The following NIPAL3 variants were observed in gnomAD, a reference collection of about 807,000 sequenced individuals.
NIPAL3 encodes NIPA like domain containing 3.
In NIPAL3, 41 loss-of-function variants were observed where a neutral mutation model predicts 47.2. The ratio of observed to expected loss-of-function variants is 0.87; its 90% confidence interval spans 0.68 to 1.13. NIPAL3 has a LOEUF of 1.13. NIPAL3 is among the 50% of genes most tolerant of loss of function. NIPAL3 has a pLI of 0.00. For synonymous variants in NIPAL3, 194 were observed against 209.6 expected, an observed-to-expected ratio of 0.93 and a Z score of 0.64; for missense variants, 449 against 530.1, an observed-to-expected ratio of 0.85 and a Z score of 1.50.
rs199860404 is a variant in NIPAL3, at chr1:24,458,971, C to T, written c.857C>T (p.Thr286Ile). The T allele has an allele frequency of 6.2e-7, 1 of 1,613,664 alleles. No individual in the cohort carries two copies. The highest frequency in any genetic ancestry group is 2.2e-5 in the East Asian group (1 of 44,878). The change falls in exon 9 of 12, where the codon ACA becomes ATA. Residue 286 changes from threonine to isoleucine, a missense_variant. Thr to Ile is a moderately conservative substitution (Grantham distance 89, BLOSUM62 -1). Transcript: ENST00000374399. ...GYILSTTIAI[T>I]AGAIFYLDFI... ...ATTCTGTCCACAACCATTGCTATCA[C>T]AGCAGGTAAGGGTGACCCATTGCTA...
At chr1:24,414,912 A>G (rs1044455814), upstream of NIPAL3, 1 of 152,150 alleles carries the variant, frequency 6.6e-6, no homozygotes, top group Non-Finnish European at 1.5e-5. Context: ...ATCTCTCACC[A>G]GCCCTGCTGG....
At chr1:24,424,280 G>A (rs1464880559) in intron 2 of NIPAL3, among the ~76,000 whole-genome samples, 5 of 152,150 alleles carry the variant, frequency 3.3e-5, no homozygotes, top group Non-Finnish European at 7.3e-5. Context: ...GTGACCTTGG[G>A]TGTATGGTAC....
At chr1:24,418,070 A>C (rs1644140793) in intron 1 of NIPAL3, among the ~76,000 whole-genome samples, 2 of 152,356 alleles carry the variant, frequency 1.3e-5, no homozygotes, top group South Asian at 4.1e-4. Flanking sequence ...AATTCTCATG[A>C]CTGCCATGTG....
At chr1:24,420,782 C>T (rs568256049) in intron 2 of NIPAL3, among the ~76,000 whole-genome samples, 1 of 152,234 alleles carries the variant, frequency 6.6e-6, no homozygotes, top group South Asian at 2.1e-4. Flanking sequence ...TCAACAGATC[C>T]TCATTGCTGG....
rs1646107424 is a variant in NIPAL3 at position 24,454,543 on chromosome 1, A to G, written c.637+1039A>G. On this transcript the variant is annotated intron_variant, in intron 7 of 11. Coordinates refer to ENST00000374399, the MANE Select transcript of NIPAL3 (RefSeq NM_020448.5). This position sits in a 1 kb window ranked among gnomAD's most constrained non-coding sequence, Gnocchi z 4.1. Reference sequence around the variant, plus strand: ...CTGTCACCGAAGACAGGGTTTCCTTAATTTTTTAACAGCTCTGTTGAGATA... The same window carrying G: ...CTGTCACCGAAGACAGGGTTTCCTTGATTTTTTAACAGCTCTGTTGAGATA... 1 of 989,496 alleles carries G rather than the reference A, an allele frequency of 1.0e-6. No homozygotes were observed. Among genetic ancestry groups the G allele is most frequent in the East Asian group, 1.1e-4 (1 of 8,844 alleles). 61.3% of individuals were successfully genotyped at this position (989,496 alleles called of 1,614,324 possible). A position where few individuals can be genotyped will look rare whatever the true frequency, so the allele number is the denominator to read the frequency against.
intron 2 of NIPAL3, among the ~76,000 whole-genome samples, chr1:24,432,018 ATGTT>A (rs1557496281): frequency 1.3e-5 from 2 of 152,080 alleles, no homozygotes; most frequent in Admixed American, 6.6e-5. Context: ...AGTTCAATGT[ATGTT>A]ATGTGAGGAC....
At position 24,449,651 on chromosome 1, in the gene NIPAL3, C is replaced by G; in HGVS notation, c.540+25C>G. 2 of 1,603,348 alleles carry G rather than the reference C, an allele frequency of 1.2e-6. No homozygotes were observed. Among genetic ancestry groups the G allele is most frequent in the Non-Finnish European group, 8.5e-7 (1 of 1,173,894 alleles). ...GGTAAGAGAAGCCTCCAGTCGTTCC[C>G]CCTGAGATGGCAGGAGGGAGATCAA... On this transcript the variant is annotated intron_variant, in intron 6 of 11. Coordinates refer to ENST00000374399, the MANE Select transcript of NIPAL3 (RefSeq NM_020448.5). This position sits in a 1 kb window ranked among gnomAD's most constrained non-coding sequence, Gnocchi z 4.5.
intron 2 of NIPAL3, among the ~76,000 whole-genome samples, chr1:24,432,822 G>C (rs940154971): frequency 6.6e-6 from 1 of 152,168 alleles, no homozygotes; most frequent in South Asian, 2.1e-4. Flanking sequence ...TATCATTGTC[G>C]TCATCATCTC....
Position 24,454,376 on chromosome 1 carries a change from G to A in NIPAL3, c.637+872G>A. The A allele has an allele frequency of 9.5e-7, 1 of 1,049,646 alleles. No homozygotes were observed. The highest frequency in any genetic ancestry group is 1.2e-6 in the Non-Finnish European group (1 of 868,146). The allele number at this position is 1,049,646 out of a possible 1,614,324, so 65.0% of individuals were successfully genotyped here. A position where few individuals can be genotyped will look rare whatever the true frequency, so the allele number is the denominator to read the frequency against. ...AGCCACGCTGTCCACTTCTCTAAAG[G>A]GGGGGCCTATGAGAACATCCAAGTC... On this transcript the variant is annotated intron_variant, in intron 7 of 11. Transcript: ENST00000374399. This position sits in a 1 kb window ranked among gnomAD's most constrained non-coding sequence, Gnocchi z 4.1.
At chr1:24,447,555 T>TA (rs199790179) in intron 5 of NIPAL3, among the ~76,000 whole-genome samples, 40 of 145,588 alleles carry the variant, frequency 2.7e-4, no homozygotes, top group African/African-American at 5.8e-4. Context: ...AATTTTACTC[T>TA]AAAAAAAAAA....
intron 2 of NIPAL3, among the ~76,000 whole-genome samples, chr1:24,429,717 T>A (rs1263687311): frequency 2.6e-5 from 4 of 152,202 alleles, no homozygotes; most frequent in Admixed American, 2.0e-4. Flanking sequence ...TGGAGGAAAG[T>A]CCCTAGTTAG....
At chr1:24,423,631 C>G (rs1213760433) in intron 2 of NIPAL3, among the ~76,000 whole-genome samples, 1 of 151,972 alleles carries the variant, frequency 6.6e-6, no homozygotes, top group Non-Finnish European at 1.5e-5. Flanking sequence ...CTCCGCCTCA[C>G]ACACACACAC....
chr1:24,469,101 C>A lies in NIPAL3; in HGVS notation c.1137C>A (p.Thr379=), dbSNP rs1191753189. Residue 379 remains threonine, a synonymous_variant, in exon 12 of 12, where the codon ACC becomes ACA. Transcript: ENST00000374399. Reference sequence around the variant, plus strand: ...TTTCTGAGATCTACGCTCCTGCCACCCTGCCAGTCATGCAAGAAGAGCACG... The same window carrying A: ...TTTCTGAGATCTACGCTCCTGCCACACTGCCAGTCATGCAAGAAGAGCACG... ...DNISEIYAPA[T]LPVMQEEHGS... 3 of 1,613,972 alleles carry A rather than the reference C, an allele frequency of 1.9e-6. No homozygotes were observed. The highest frequency in any genetic ancestry group is 2.5e-6 in the Non-Finnish European group (3 of 1,180,028).
chr1:24,426,832 G>A (rs1225760260), intron 2 of NIPAL3, among the ~76,000 whole-genome samples: 1 of 152,116 alleles, frequency 6.6e-6, no homozygotes, highest in Non-Finnish European at 1.5e-5. Flanking sequence ...ACCTGATTGG[G>A]TGTTGCCTCA....
chr1:24,445,544 GA>G (rs1232281303), intron 5 of NIPAL3, among the ~76,000 whole-genome samples: 1 of 152,166 alleles, frequency 6.6e-6, no homozygotes, highest in East Asian at 1.9e-4. Flanking sequence ...CTCTCTCCCT[GA>G]CTGAGTTCTA....
At chr1:24,446,059 A>G (rs1344866659) in intron 5 of NIPAL3, among the ~76,000 whole-genome samples, 2 of 105,360 alleles carry the variant, frequency 1.9e-5, no homozygotes. Flanking sequence ...CTGCTCACAG[A>G]GATTATAGTC....
chr1:24,465,913 A>ACTG, intron 11 of NIPAL3: 6 of 1,446,320 alleles, frequency 4.1e-6, no homozygotes, highest in Admixed American at 2.8e-5. Context: ...GCAGAATAAA[A>ACTG]CTGCTGAACA....
At chr1:24,456,056 T>G in intron 7 of NIPAL3, 82 bp from the exon 8 acceptor site, 1 of 1,535,284 alleles carries the variant, frequency 6.5e-7, no homozygotes, top group Non-Finnish European at 8.9e-7. Flanking sequence ...CCCAAGTCCT[T>G]TGGGGTTATA....
chr1:24,456,371 A>G, intron 8 of NIPAL3, 98 bp downstream of exon 8: 1 of 1,521,976 alleles, frequency 6.6e-7, no homozygotes, highest in Non-Finnish European at 9.0e-7. Context: ...AGGAGGCCAG[A>G]ACATGCCCCA....
Sources: allele counts gnomAD v4.1 joint callset (sites outside exome capture counted in the v4.1 genomes callset), GRCh38; gene constraint gnomAD v4.1.1; non-coding constraint Gnocchi (gnomAD v3.1); transcripts MANE v1.5; gene names NCBI Gene and HGNC (gene_info 2026-07-23, HGNC 2026-07-21).